Variants in AP3B1 observed in about 807,000 individuals in gnomAD.
The protein encoded by AP3B1 is AP-3 complex subunit beta-1.
Under a neutral mutation model 132.5 loss-of-function variants are expected in AP3B1, and 61 were observed. The observed-to-expected ratio is 0.46, with a 90% CI of 0.37 to 0.57. AP3B1 has a LOEUF of 0.57. Among genes scored for constraint, AP3B1 ranks in the 20% least tolerant of loss-of-function variants. The pLI is 0.00. For synonymous variants in AP3B1, 388 were observed against 438.3 expected (o/e 0.89, Z 1.43); for missense variants, 1,120 against 1,289.4 (o/e 0.87, Z 2.01).
At chr5:78,135,605 T>C (rs114435245) in intron 15 of AP3B1, among the ~76,000 whole-genome samples, 305 of 152,290 alleles carry the variant, frequency 2.0e-3, no homozygotes, top group African/African-American at 6.9e-3. Context: ...TAGTGGTAGA[T>C]ATACACATAT....
chr5:78,032,000 C>A (rs1580260511), intron 24 of AP3B1, among the ~76,000 whole-genome samples: 1 of 152,076 alleles, frequency 6.6e-6, no homozygotes, highest in Non-Finnish European at 1.5e-5. Context: ...AACTTTTAGA[C>A]AGATATATTT....
At chr5:78,138,681 A>C (rs1475856449) in intron 15 of AP3B1, among the ~76,000 whole-genome samples, 1 of 151,832 alleles carries the variant, frequency 6.6e-6, no homozygotes, top group African/African-American at 2.4e-5. Context: ...AGTTTCCTAG[A>C]AGTATCATTC....
chr5:78,221,144 C>T (rs988563430), intron 6 of AP3B1, among the ~76,000 whole-genome samples: 1 of 152,108 alleles, frequency 6.6e-6, no homozygotes, highest in African/African-American at 2.4e-5. Flanking sequence ...TATGCATGCA[C>T]GCCCTCCCAC....
At chr5:78,093,913 G>C (rs940919440) in intron 21 of AP3B1, among the ~76,000 whole-genome samples, 2 of 152,224 alleles carry the variant, frequency 1.3e-5, no homozygotes, top group African/African-American at 2.4e-5. Context: ...GTGAGTAACA[G>C]AGCTGGGATT....
intron 19 of AP3B1, among the ~76,000 whole-genome samples, chr5:78,113,469 A>C (rs1396854203): frequency 6.6e-6 from 1 of 152,212 alleles, no homozygotes. Flanking sequence ...AAGGTAATTA[A>C]GTGTTTCATA....
chr5:78,117,956 T>C (rs1285698398), intron 17 of AP3B1, among the ~76,000 whole-genome samples: 2 of 152,218 alleles, frequency 1.3e-5, no homozygotes, highest in Non-Finnish European at 2.9e-5. Flanking sequence ...TATGTGCAAG[T>C]CTTTGCTAGA....
At chr5:78,151,311 A>T (rs1165907155) in intron 14 of AP3B1, among the ~76,000 whole-genome samples, 1 of 152,230 alleles carries the variant, frequency 6.6e-6, no homozygotes, top group African/African-American at 2.4e-5. Flanking sequence ...TATCATCTGC[A>T]AACAAGGATA....
intron 22 of AP3B1, among the ~76,000 whole-genome samples, chr5:78,086,147 G>C (rs941646657): frequency 6.6e-6 from 1 of 151,832 alleles, no homozygotes; most frequent in African/African-American, 2.4e-5. Context: ...CCCTTTCCTT[G>C]GTTTCAACAA....
chr5:78,116,254 A>G lies in AP3B1; in HGVS notation c.1969-20T>C, dbSNP rs1394988514. 1.9e-6 allele frequency: 3 copies of G among 1,572,996 alleles called. No homozygotes were observed. Among genetic ancestry groups the G allele is most frequent in the Non-Finnish European group, 1.7e-6 (2 of 1,143,162 alleles). On this transcript the variant is annotated intron_variant, in intron 17 of 26. Coordinates refer to ENST00000255194, the MANE Select transcript of AP3B1 (RefSeq NM_003664.5). ...TTTTGCCTGTTTAAACAAATAAAGT[A>G]AATATAAATGAATTCTCATTCAGAG...
In AP3B1 at chr5:78,097,622, T is replaced by C. The variant is rs1456095599; in HGVS notation, c.2470+3331A>G. 4.4e-4 allele frequency among the ~76,000 whole-genome samples: 40 copies of C among 90,744 alleles called. 1 individual carries two copies. Among genetic ancestry groups the C allele is most frequent in the Admixed American group, 1.1e-3 (10 of 8,808 alleles). The allele number at this position is 90,744 out of a possible 152,430, so 59.5% of individuals were successfully genotyped here. ...GAGGGAGGTGGGGGGGTCAGCCCCC[T>C]GCCCGGCCAGCCGCCCCGTCCGGGA... On this transcript the variant is annotated intron_variant, in intron 21 of 26. Transcript: ENST00000255194.
At chr5:78,110,168 A>C in intron 20 of AP3B1, 39 bp downstream of exon 20, 1 of 1,562,162 alleles carries the variant, frequency 6.4e-7, no homozygotes, top group Non-Finnish European at 8.7e-7. Flanking sequence ...TGCTATAAGA[A>C]TATTTACCTT....
intron 6 of AP3B1, among the ~76,000 whole-genome samples, chr5:78,223,564 G>A (rs1349645227): frequency 6.6e-6 from 1 of 151,916 alleles, no homozygotes; most frequent in Non-Finnish European, 1.5e-5. Context: ...TTACTTTCTG[G>A]TGTATTTTGG....
At chr5:78,211,890 T>C (rs189578841) in intron 7 of AP3B1, among the ~76,000 whole-genome samples, 80 of 152,376 alleles carry the variant, frequency 5.3e-4, no homozygotes, top group African/African-American at 1.9e-3. Context: ...ATTAATATTG[T>C]CTTAAGTGAC....
At chr5:78,108,124 T>G (rs756324605) in intron 20 of AP3B1, among the ~76,000 whole-genome samples, 24 of 152,114 alleles carry the variant, frequency 1.6e-4, no homozygotes, top group Non-Finnish European at 3.2e-4. Context: ...TCATGCTCAG[T>G]GCCCTCAAAA....
intron 22 of AP3B1, among the ~76,000 whole-genome samples, chr5:78,072,297 C>T (rs1380049564): frequency 2.0e-5 from 3 of 152,110 alleles, no homozygotes; most frequent in African/African-American, 7.2e-5. Context: ...TGAAAGAAAA[C>T]ATACAATATT....
intron 1 of AP3B1, among the ~76,000 whole-genome samples, chr5:78,280,907 T>C (rs931624391): frequency 2.6e-5 from 4 of 152,220 alleles, no homozygotes; most frequent in Admixed American, 2.0e-4. Flanking sequence ...AATGTGAATA[T>C]AGTTAACACT....
chr5:78,012,755 C>A (rs1746671502), intron 26 of AP3B1, among the ~76,000 whole-genome samples: 1 of 152,186 alleles, frequency 6.6e-6, no homozygotes, highest in African/African-American at 2.4e-5. Context: ...GTATGAGGAC[C>A]ACGAACATTA....
At chr5:78,149,154 A>G (rs907590725) in intron 14 of AP3B1, among the ~76,000 whole-genome samples, 3 of 152,234 alleles carry the variant, frequency 2.0e-5, no homozygotes, top group South Asian at 2.1e-4. Flanking sequence ...GTCACTGAGT[A>G]GGTATGTGAA....
intron 21 of AP3B1, among the ~76,000 whole-genome samples, chr5:78,095,925 G>A (rs1044662943): frequency 6.6e-5 from 10 of 152,174 alleles, no homozygotes; most frequent in African/African-American, 2.4e-4. Context: ...AAAAATGTAG[G>A]TTGGGATCAA....
Sources: allele counts gnomAD v4.1 joint callset (sites outside exome capture counted in the v4.1 genomes callset), GRCh38; gene constraint gnomAD v4.1.1; transcripts MANE v1.5; gene names NCBI Gene and HGNC (gene_info 2026-07-23, HGNC 2026-07-21).